Variants in FAM81A observed in about 807,000 individuals in gnomAD.
The protein encoded by FAM81A is family with sequence similarity 81 member A.
Under a neutral mutation model 46.7 loss-of-function variants are expected in FAM81A, and 19 were observed. The ratio of observed to expected loss-of-function variants is 0.41; its 90% CI spans 0.28 to 0.60. FAM81A has a LOEUF of 0.60. FAM81A is among the 20% of genes least tolerant of loss of function. The pLI is 0.34. For synonymous variants in FAM81A, 183 were observed against 152.9 expected (o/e 1.20, Z -1.45); for missense variants, 377 against 453.5 (o/e 0.83, Z 1.53).
At position 59,449,548 on chromosome 15, in the gene FAM81A, A is replaced by G. The variant is rs535835099; in HGVS notation, c.-77-9002A>G. On this transcript the variant is annotated intron_variant, in intron 1 of 8. Coordinates refer to ENST00000288228, the MANE Select transcript of FAM81A (RefSeq NM_152450.3). ...TGTAATCCCAGCACTTTGGGAGGCCAAGGCGGGCGGATCACGAGGTCAGGA... is the reference window on the plus strand; with the variant it reads ...TGTAATCCCAGCACTTTGGGAGGCCGAGGCGGGCGGATCACGAGGTCAGGA... Among the ~76,000 whole-genome samples, 182 of 152,196 alleles carry G rather than the reference A, an allele frequency of 1.2e-3. 2 individuals are homozygous for G. The highest frequency in any genetic ancestry group is 5.8e-3 in the East Asian group (30 of 5,152).
At chr15:59,480,344 C>T (rs556311945) in intron 3 of FAM81A, among the ~76,000 whole-genome samples, 2 of 152,250 alleles carry the variant, frequency 1.3e-5, no homozygotes, top group African/African-American at 4.8e-5. Context: ...TGTTTCTTTC[C>T]TGGTTCCTGG....
chr15:59,494,200 G>T (rs1435427554), intron 4 of FAM81A, among the ~76,000 whole-genome samples: 2 of 152,214 alleles, frequency 1.3e-5, no homozygotes, highest in South Asian at 4.1e-4. Flanking sequence ...TTGACTCCTT[G>T]TTTATGCATT....
At chr15:59,432,464 A>G (rs1180879840) in intron 2 of FAM81A, among the ~76,000 whole-genome samples, 1 of 152,262 alleles carries the variant, frequency 6.6e-6, no homozygotes, top group Non-Finnish European at 1.5e-5. Context: ...TCACTGTGCC[A>G]TACACTTTAC....
At chr15:59,520,326 G>T (rs190919922) in intron 8 of FAM81A, among the ~76,000 whole-genome samples, 1 of 152,038 alleles carries the variant, frequency 6.6e-6, no homozygotes, top group Non-Finnish European at 1.5e-5. Flanking sequence ...TTTGATAATA[G>T]CCATCCTAAC....
upstream of FAM81A, among the ~76,000 whole-genome samples, chr15:59,435,444 A>G (rs545044964): frequency 6.6e-6 from 1 of 151,494 alleles, no homozygotes; most frequent in African/African-American, 2.4e-5. Context: ...ACATGGCAAA[A>G]CCCCCTCTCT....
chr15:59,398,149 G>C (rs1567033402), intron 1 of FAM81A, among the ~76,000 whole-genome samples: 1 of 152,154 alleles, frequency 6.6e-6, no homozygotes, highest in Non-Finnish European at 1.5e-5. Flanking sequence ...TGGCTTTCTG[G>C]TTCCTTACTG....
intron 3 of FAM81A, among the ~76,000 whole-genome samples, chr15:59,470,504 A>C (rs2081672571): frequency 6.6e-6 from 1 of 152,142 alleles, no homozygotes; most frequent in African/African-American, 2.4e-5. Flanking sequence ...TCGGCTATTG[A>C]AGCTTGTGCA....
intron 1 of FAM81A, among the ~76,000 whole-genome samples, chr15:59,458,036 G>A (rs2081505596): frequency 6.6e-6 from 1 of 152,156 alleles, no homozygotes; most frequent in Non-Finnish European, 1.5e-5. Context: ...TTGGTGGATA[G>A]ATATCTTCCC....
chr15:59,484,805 C>T (rs982214356), intron 3 of FAM81A, among the ~76,000 whole-genome samples: 1 of 152,096 alleles, frequency 6.6e-6, no homozygotes. Flanking sequence ...GAGAGGAGCA[C>T]CAAGAAGTCT....
In FAM81A at chr15:59,460,359, C is replaced by T. The variant is rs751752529; in HGVS notation, c.294+153C>T. On this transcript the variant is annotated intron_variant, in intron 3 of 8. Transcript: ENST00000288228. The surrounding 1 kb of genome is among the most constrained non-coding windows in gnomAD (Gnocchi z 4.4). ...CTATTCTTAATGATCGCCAAGGAGA[C>T]AGCTTGCAGAAATATCCTAATTAAA... 1 of 997,920 alleles carries T rather than the reference C, an allele frequency of 1.0e-6. No individual in the cohort carries two copies. Among genetic ancestry groups the T allele is most frequent in the Non-Finnish European group, 1.6e-6 (1 of 632,394 alleles). 61.8% of individuals were successfully genotyped at this position (997,920 alleles called of 1,614,324 possible). A position where few individuals can be genotyped will look rare whatever the true frequency, so the allele number is the denominator to read the frequency against.
intron 4 of FAM81A, among the ~76,000 whole-genome samples, chr15:59,498,990 A>G (rs1295721729): frequency 6.6e-6 from 1 of 152,040 alleles, no homozygotes. Flanking sequence ...TTTTTTGTAT[A>G]TGCTCTTTAT....
chr15:59,442,473 T>C (rs2081308857), intron 1 of FAM81A, among the ~76,000 whole-genome samples: 1 of 151,456 alleles, frequency 6.6e-6, no homozygotes, highest in Admixed American at 6.6e-5. Flanking sequence ...AAAAATTAGC[T>C]GGGCATGGTG....
chr15:59,408,654 C>T (rs1438505193), intron 2 of FAM81A, among the ~76,000 whole-genome samples: 1 of 152,040 alleles, frequency 6.6e-6, no homozygotes, highest in Non-Finnish European at 1.5e-5. Context: ...CAGTGAAAAC[C>T]CATCTGTACT....
chr15:59,402,013 C>T (rs998302180), intron 1 of FAM81A: 30 of 617,248 alleles, frequency 4.9e-5, no homozygotes, highest in East Asian at 8.7e-5. Flanking sequence ...ATGTTGACGC[C>T]GCAGAGCTGC....
chr15:59,501,029 G>T (rs2082085430), intron 4 of FAM81A, among the ~76,000 whole-genome samples: 1 of 152,000 alleles, frequency 6.6e-6, no homozygotes, highest in Middle Eastern at 3.4e-3. Context: ...TGGTTTACCT[G>T]TTTTTTTCCG....
chr15:59,402,007 TGACGC>T lies in FAM81A; in HGVS notation c.-160-268_-160-264del. ...TCAATATATTTGTTCTGTGGCATGT[TGACGC>T]CGCAGAGCTGCCAGGAGCAGCCCCT... On this transcript the variant is annotated intron_variant, in intron 1 of 4. Coordinates refer to the FAM81A transcript ENST00000558348. 4 of 632,670 alleles carry T rather than the reference TGACGC, an allele frequency of 6.3e-6. No individual in the cohort carries two copies. The Admixed American group carries it at 1.0e-4, about 17-fold the overall frequency. The allele number at this position is 632,670 out of a possible 1,614,324, so 39.2% of individuals were successfully genotyped here.
intron 2 of FAM81A, among the ~76,000 whole-genome samples, chr15:59,423,259 T>C (rs999552655): frequency 3.3e-5 from 5 of 152,012 alleles, no homozygotes; most frequent in South Asian, 2.1e-4. Context: ...CCAACACGCC[T>C]GGCTAATTTT....
At chr15:59,447,566 G>C (rs949744273) in intron 1 of FAM81A, among the ~76,000 whole-genome samples, 1 of 152,204 alleles carries the variant, frequency 6.6e-6, no homozygotes, top group Admixed American at 6.5e-5. Context: ...AATTGGGACA[G>C]TGTGGTTAAT....
intron 4 of FAM81A, among the ~76,000 whole-genome samples, chr15:59,495,114 A>T (rs1037755367): frequency 6.6e-6 from 1 of 152,234 alleles, no homozygotes; most frequent in Admixed American, 6.5e-5. Flanking sequence ...ACAGTCATGT[A>T]GTCATCACCA....
Sources: gnomAD v4.1 joint callset for allele counts (sites outside exome capture counted in the v4.1 genomes callset) on GRCh38, gnomAD v4.1.1 for gene constraint, Gnocchi (gnomAD v3.1) non-coding constraint, MANE v1.5 for transcripts, NCBI Gene and HGNC (gene_info 2026-07-23, HGNC 2026-07-21) for gene names.